Variants in DDX25 observed in about 807,000 individuals in gnomAD.
DDX25 encodes DEAD-box helicase 25.
Under a neutral mutation model 64.6 loss-of-function variants are expected in DDX25, and 70 were observed. The observed-to-expected ratio is 1.08, with a 90% confidence interval of 0.89 to 1.32. The LOEUF is 1.32. Among genes scored for constraint, DDX25 ranks in the 40% most tolerant of loss-of-function variants. DDX25 has a pLI of 0.00. For missense variants in DDX25, 587 were observed against 604.4 expected (o/e 0.97, Z 0.30); for synonymous variants, 211 against 213.3 (o/e 0.99, Z 0.09).
chr11:125,920,764 G>A lies in DDX25; in HGVS notation c.1202-427G>A, dbSNP rs548594529. On this transcript the variant is annotated intron_variant, in intron 10 of 11. Coordinates refer to ENST00000263576, the MANE Select transcript of DDX25 (RefSeq NM_013264.5). Reference sequence around the variant, plus strand: ...GGCAAGGGCTCAAAAGACCTGACCAGGACAGTAGCCATGAAACGGAGCAGA... The same window carrying A: ...GGCAAGGGCTCAAAAGACCTGACCAAGACAGTAGCCATGAAACGGAGCAGA... Among the ~76,000 whole-genome samples, 6 of 152,294 alleles carry A rather than the reference G, an allele frequency of 3.9e-5. No individual in the cohort carries two copies. The South Asian group carries it at 1.2e-3, about 32-fold the overall frequency.
intron 6 of DDX25, among the ~76,000 whole-genome samples, chr11:125,909,650 T>A (rs1591516469): frequency 1.3e-5 from 2 of 150,924 alleles, no homozygotes; most frequent in South Asian, 2.1e-4. Flanking sequence ...AAATAGGCAG[T>A]CTTTTTTTTT....
At chr11:125,915,007 A>G (rs1237166294) in intron 8 of DDX25, among the ~76,000 whole-genome samples, 1 of 152,186 alleles carries the variant, frequency 6.6e-6, no homozygotes, top group Non-Finnish European at 1.5e-5. Context: ...TCCGGGTGAC[A>G]TTAAGTTCAA....
intron 1 of DDX25, 49 bp downstream of exon 1, chr11:125,904,629 A>T: frequency 7.1e-7 from 1 of 1,413,750 alleles, no homozygotes; most frequent in South Asian, 1.4e-5. Context: ...TGGAGCTCCC[A>T]CTCGCAGAGG....
At chr11:125,903,346 C>T (rs369095457), upstream of DDX25, 18 of 510,468 alleles carry the variant, frequency 3.5e-5, no homozygotes, top group East Asian at 8.9e-4. Flanking sequence ...TACCGTTTCT[C>T]CGCCCACAGG....
chr11:125,910,655 G>T (rs962222076), intron 7 of DDX25, among the ~76,000 whole-genome samples, 177 bp downstream of exon 7: 6 of 152,172 alleles, frequency 3.9e-5, no homozygotes, highest in Non-Finnish European at 8.8e-5. Flanking sequence ...CACAATGCCT[G>T]GCACGTAGTA....
Position 125,906,159 on chromosome 11 carries a change from G to A in DDX25, c.261G>A (p.Lys87=). ...GTCACCGTGTGGAAGTTTTACAGAA[G>A]GATCCCAGCTCTCCACTTTACTCAG... ...ESSHRVEVLQ[K]DPSSPLYSVK... is the part of the protein sequence containing the mutation. Residue 87 remains lysine, a synonymous_variant, in exon 4 of 12, where the codon AAG becomes AAA. Coordinates refer to ENST00000263576, the MANE Select transcript of DDX25 (RefSeq NM_013264.5). 6.4e-7 allele frequency: 1 copy of A among 1,551,264 alleles called. No individual in the cohort carries two copies. The highest frequency in any genetic ancestry group is 1.2e-5 in the South Asian group (1 of 83,950).
intron 3 of DDX25, 150 bp from the exon 4 acceptor site, chr11:125,905,924 G>C: frequency 2.0e-6 from 2 of 996,220 alleles, no homozygotes; most frequent in Non-Finnish European, 2.9e-6. Flanking sequence ...CGAATCCTCA[G>C]TGCTATATCA....
At chr11:125,919,889 A>G (rs1945089829) in intron 10 of DDX25, among the ~76,000 whole-genome samples, 1 of 152,208 alleles carries the variant, frequency 6.6e-6, no homozygotes, top group Non-Finnish European at 1.5e-5. Context: ...GAGCACTTGA[A>G]ATGTGGCTAG....
At chr11:125,905,840 G>C (rs536065762) in intron 3 of DDX25, among the ~76,000 whole-genome samples, 1 of 152,358 alleles carries the variant, frequency 6.6e-6, no homozygotes, top group East Asian at 1.9e-4. Flanking sequence ...GTCTCATGGA[G>C]ATGGACTTAG....
At chr11:125,913,565 T>G (rs114376060) in intron 8 of DDX25, among the ~76,000 whole-genome samples, 1 of 152,304 alleles carries the variant, frequency 6.6e-6, no homozygotes, top group African/African-American at 2.4e-5. Context: ...ATCCTCAGCT[T>G]CCACTGTTGT....
At chr11:125,905,648 A>G (rs2134271858) in intron 3 of DDX25, 51 bp downstream of exon 3, 1 of 1,500,688 alleles carries the variant, frequency 6.7e-7, no homozygotes, top group Non-Finnish European at 9.1e-7. Flanking sequence ...GTTTCCGTTT[A>G]TAACTTTAAT....
At chr11:125,913,336 T>C (rs1944990933) in intron 8 of DDX25, among the ~76,000 whole-genome samples, 1 of 152,098 alleles carries the variant, frequency 6.6e-6, no homozygotes, top group South Asian at 2.1e-4. Context: ...ACTTCCTCAG[T>C]ATGCTGGAGT....
Position 125,924,734 on chromosome 11 carries a change from A to G in DDX25, c.*1853A>G, listed in dbSNP as rs1194760066. ...GCAGAGCCCAGAAATACCCACTTCC[A>G]TAAGGGAGCCGCAAGTGCAGGTAGA... On this transcript the variant is annotated 3_prime_UTR_variant, in exon 12 of 12. Coordinates refer to ENST00000263576, the MANE Select transcript of DDX25 (RefSeq NM_013264.5). The G allele has an allele frequency of 2.0e-5, 3 of 152,318 alleles. No individual in the cohort carries two copies. The East Asian group carries it at 5.8e-4, about 29-fold the overall frequency. 9.4% of individuals were successfully genotyped at this position (152,318 alleles called of 1,614,324 possible).
chr11:125,904,031 T>C (rs1022743623), upstream of DDX25, among the ~76,000 whole-genome samples: 1 of 152,262 alleles, frequency 6.6e-6, no homozygotes, highest in Non-Finnish European at 1.5e-5. Context: ...TCATTCGTCA[T>C]ATCAAATTCA....
chr11:125,918,539 C>A, intron 9 of DDX25, 89 bp from the exon 10 acceptor site: 1 of 1,506,758 alleles, frequency 6.6e-7, no homozygotes, highest in Non-Finnish European at 9.0e-7. Flanking sequence ...CCTCTCCCAC[C>A]CCCGCCCTGC....
intron 8 of DDX25, among the ~76,000 whole-genome samples, chr11:125,913,665 C>G (rs1256639537): frequency 6.7e-6 from 1 of 150,266 alleles, no homozygotes; most frequent in African/African-American, 2.4e-5. Context: ...AGTCTTCTTT[C>G]TTTATGGTAT....
rs1350339822 is a variant in DDX25 at position 125,921,157 on chromosome 11, A to G, written c.1202-34A>G. ...GAATGGCCCGTGTACTGAGGAAAGC[A>G]TTGCAGGACCCTACAGTGTTTTTCC... On this transcript the variant is annotated intron_variant, in intron 10 of 11. Transcript: ENST00000263576. The surrounding 1 kb of genome is among the most constrained non-coding windows in gnomAD (Gnocchi z 4.1). 1.3e-6 allele frequency: 2 copies of G among 1,579,666 alleles called. No homozygotes were observed. Among genetic ancestry groups the G allele is most frequent in the Admixed American group, 1.8e-5 (1 of 55,758 alleles).
rs892927535 is a variant in DDX25 at position 125,925,061 on chromosome 11, T to C, written c.*2180T>C. The C allele has an allele frequency of 1.9e-5, 3 of 160,404 alleles. No homozygotes were observed. The highest frequency in any genetic ancestry group is 7.2e-5 in the African/African-American group (3 of 41,622). 9.9% of individuals were successfully genotyped at this position (160,404 alleles called of 1,614,324 possible). On this transcript the variant is annotated 3_prime_UTR_variant, in exon 12 of 12. Transcript: ENST00000263576. ...TTTTTTTTAGGTTTTCCATCCTAGT[T>C]TTGAACCCCAATTACATGGCACAGG...
chr11:125,908,176 T>G lies in DDX25; in HGVS notation c.312-20T>G. ...CTGACCAACTATAATCTGTAAGTGT[T>G]TGATTTTTTTTTTTGACAGAAAGGA... is the stretch of plus-strand genomic sequence containing the variant. On this transcript the variant is annotated intron_variant, in intron 4 of 11. Transcript: ENST00000263576. 6.7e-7 allele frequency: 1 copy of G among 1,486,494 alleles called. No homozygotes were observed. The highest frequency in any genetic ancestry group is 8.9e-7 in the Non-Finnish European group (1 of 1,119,940). 92.1% of individuals were successfully genotyped at this position (1,486,494 alleles called of 1,614,324 possible).
Sources: allele counts gnomAD v4.1 joint callset (sites outside exome capture counted in the v4.1 genomes callset), GRCh38; gene constraint gnomAD v4.1.1; non-coding constraint Gnocchi (gnomAD v3.1); transcripts MANE v1.5; gene names NCBI Gene and HGNC (gene_info 2026-07-23, HGNC 2026-07-21).